Variants in BMX observed in about 807,000 individuals in gnomAD.
The protein encoded by BMX is BMX non-receptor tyrosine kinase.
Under a neutral mutation model 59.2 loss-of-function variants are expected in BMX, and 31 were observed. The observed-to-expected ratio is 0.52, with a 90% CI of 0.39 to 0.71. BMX has a LOEUF of 0.71. Ranked by LOEUF, BMX falls within the 30% of genes least tolerant of loss-of-function variation. The probability of loss-of-function intolerance (pLI) is 0.00; values close to 1 mark genes in which losing one functional copy is unlikely to be tolerated. For missense variants in BMX, 474 were observed against 491.7 expected, an observed-to-expected ratio of 0.96 and a Z score of 0.34; for synonymous variants, 185 against 181.0, an observed-to-expected ratio of 1.02 and a Z score of -0.18.
intron 5 of BMX, among the ~76,000 whole-genome samples, chrX:15,516,814 G>C (rs768201686): frequency 1.8e-5 from 2 of 111,314 alleles, no homozygotes; most frequent in Non-Finnish European, 3.8e-5. Flanking sequence ...TGAGAGAAGG[G>C]GCTGCTTTAC....
At chrX:15,545,201 A>C (rs1347373718) in intron 16 of BMX, among the ~76,000 whole-genome samples, 1 of 112,268 alleles carries the variant, frequency 8.9e-6, no homozygotes, top group Non-Finnish European at 1.9e-5. Context: ...GATTCATCTG[A>C]GGGGCATAAG....
chrX:15,535,988 T>A (rs1421928595), intron 12 of BMX, among the ~76,000 whole-genome samples: 1 of 112,018 alleles, frequency 8.9e-6, no homozygotes, highest in Non-Finnish European at 1.9e-5. Flanking sequence ...TTTTTACCCT[T>A]CTGTATTGTT....
chrX:15,508,465 C>A lies in BMX; in HGVS notation c.112C>A (p.Leu38Ile), dbSNP rs762967277. The change falls in exon 2 of 19, where the codon CTT becomes ATT. Residue 38 changes from leucine to isoleucine, a missense_variant. Physicochemically the swap from Leu to Ile is conservative, Grantham distance 5. Coordinates refer to ENST00000348343, the MANE Select transcript of BMX (RefSeq NM_203281.3). ...ERLFVLTKTN[L>I]SYYEYDKMKR... ...GCTTTTTGTTTTGACCAAAACAAAC[C>A]TTTCCTACTATGAATATGACAAAAT... 5 of 1,182,432 alleles carry A rather than the reference C, an allele frequency of 4.2e-6. No individual in the cohort carries two copies. The highest frequency in any genetic ancestry group is 2.5e-5 in the Admixed American group (1 of 40,548).
intron 9 of BMX, among the ~76,000 whole-genome samples, chrX:15,526,647 A>G (rs1924743475): frequency 9.7e-6 from 1 of 103,002 alleles, no homozygotes; most frequent in Non-Finnish European, 2.0e-5. Flanking sequence ...GTGCAGTGGC[A>G]TGATCTCGGC....
chrX:15,530,140 G>GTTGC, intron 10 of BMX, 113 bp downstream of exon 10: 1 of 739,783 alleles, frequency 1.4e-6, no homozygotes, highest in East Asian at 3.5e-5. Context: ...TCAAGTCATT[G>GTTGC]TAGTGTTGCT....
intron 17 of BMX, among the ~76,000 whole-genome samples, chrX:15,549,066 C>T (rs1926074390): frequency 9.0e-6 from 1 of 111,207 alleles, no homozygotes; most frequent in Non-Finnish European, 1.9e-5. Context: ...AGAAACTTAT[C>T]CCACCTGTAA....
chrX:15,535,741 G>A (rs1010073305), intron 12 of BMX, among the ~76,000 whole-genome samples: 24 of 84,845 alleles, frequency 2.8e-4, no homozygotes, highest in Non-Finnish European at 2.1e-4. Context: ...TATAGAAAAA[G>A]GAAGGAGGGG....
chrX:15,527,123 T>C (rs1284181129), intron 9 of BMX, among the ~76,000 whole-genome samples: 1 of 93,653 alleles, frequency 1.1e-5, no homozygotes, highest in Non-Finnish European at 2.1e-5. Flanking sequence ...CATAAATATA[T>C]ATACCTGCTA....
rs1924492336 is a variant in BMX, at chrX:15,522,225, T to C, written c.511-121T>C. The C allele has an allele frequency of 6.8e-6, 6 of 887,643 alleles. No individual in the cohort carries two copies. The South Asian group carries it at 1.3e-4, about 19-fold the overall frequency. The allele number at this position is 887,643 out of a possible 1,213,427, so 73.2% of individuals were successfully genotyped here. Reference sequence around the variant, plus strand: ...TTCCTTCCTCCCTTCCTCCCTCCCTTCCTCCCTCCCTTCTCTCCTTCCTTT... The same window carrying C: ...TTCCTTCCTCCCTTCCTCCCTCCCTCCCTCCCTCCCTTCTCTCCTTCCTTT... On this transcript the variant is annotated intron_variant, in intron 6 of 18. Transcript: ENST00000348343.
chrX:15,512,179 C>T (rs1331340539), intron 4 of BMX, among the ~76,000 whole-genome samples: 1 of 110,984 alleles, frequency 9.0e-6, no homozygotes, highest in Non-Finnish European at 1.9e-5. Context: ...ATGTTTAGGC[C>T]GCCCTGGTAA....
At chrX:15,508,297 C>T in intron 1 of BMX, 48 bp from the exon 2 acceptor site, 1 of 931,988 alleles carries the variant, frequency 1.1e-6, no homozygotes, top group Non-Finnish European at 1.4e-6. Context: ...TTAAAGAGAA[C>T]TTACCTAGAT....
At chrX:15,526,191 T>G in intron 9 of BMX, 96 bp downstream of exon 9, 1 of 770,981 alleles carries the variant, frequency 1.3e-6, no homozygotes, top group South Asian at 3.4e-5. Flanking sequence ...TGAGACCGTC[T>G]CAGGAGGCTG....
At chrX:15,532,735 CTT>C (rs1473717768) in intron 11 of BMX, among the ~76,000 whole-genome samples, 1 of 112,478 alleles carries the variant, frequency 8.9e-6, no homozygotes, top group Non-Finnish European at 1.9e-5. Flanking sequence ...CCTACCTACA[CTT>C]GAGATAATAG....
intron 16 of BMX, among the ~76,000 whole-genome samples, chrX:15,546,467 G>A (rs1925948485): frequency 9.0e-6 from 1 of 111,544 alleles, no homozygotes; most frequent in African/African-American, 3.3e-5. Flanking sequence ...TATATATGTG[G>A]GAAATAAGAT....
At chrX:15,522,282 G>T in intron 6 of BMX, 64 bp from the exon 7 acceptor site, 11 of 1,019,946 alleles carry the variant, frequency 1.1e-5, no homozygotes, top group South Asian at 2.2e-5. Flanking sequence ...ATACTTAATT[G>T]TCAGTTCCCG....
intron 11 of BMX, among the ~76,000 whole-genome samples, chrX:15,532,464 T>C (rs1021626742): frequency 1.1e-4 from 12 of 111,962 alleles, no homozygotes; most frequent in Non-Finnish European, 1.7e-4. Flanking sequence ...AAGCTGGGCT[T>C]CCAATAGCCA....
At chrX:15,525,616 A>G (rs1242596779) in intron 8 of BMX, among the ~76,000 whole-genome samples, 2 of 111,866 alleles carry the variant, frequency 1.8e-5, no homozygotes, top group African/African-American at 6.5e-5. Context: ...TACCTGACCC[A>G]GGCATCTCTA....
chrX:15,525,425 A>C, intron 8 of BMX, 60 bp downstream of exon 8: 2 of 1,078,288 alleles, frequency 1.9e-6, no homozygotes, highest in Non-Finnish European at 2.6e-6. Context: ...AGGAAAACTA[A>C]CCAAACTTGC....
intron 1 of BMX, among the ~76,000 whole-genome samples, chrX:15,503,341 C>G (rs1373552117): frequency 8.9e-6 from 1 of 112,701 alleles, no homozygotes; most frequent in African/African-American, 3.2e-5. Flanking sequence ...TAGGTAACAT[C>G]TTTCTGATAT....
Sources: gnomAD v4.1 joint callset for allele counts (sites outside exome capture counted in the v4.1 genomes callset) on GRCh38, gnomAD v4.1.1 for gene constraint, MANE v1.5 for transcripts, NCBI Gene and HGNC (gene_info 2026-07-23, HGNC 2026-07-21) for gene names.